APLP2: variants seen among roughly 807,000 people sequenced by gnomAD.
APLP2 encodes the protein CDEI box-binding protein.
Under a neutral mutation model 89.9 loss-of-function variants are expected in APLP2, and 53 were observed. The observed-to-expected ratio is 0.59, with a 90% CI of 0.47 to 0.74. The LOEUF is 0.74. APLP2 is among the 30% of genes least tolerant of loss of function. The pLI is 0.00. For synonymous variants in APLP2, 372 were observed against 348.6 expected, an observed-to-expected ratio of 1.07 and a Z score of -0.75; for missense variants, 973 against 975.9, an observed-to-expected ratio of 1.00 and a Z score of 0.04.
chr11:130,118,230 T>A (rs548257805), intron 3 of APLP2, among the ~76,000 whole-genome samples: 75 of 152,366 alleles, frequency 4.9e-4, no homozygotes, highest in African/African-American at 1.6e-3. Context: ...ATACATTGCT[T>A]TATGAGTATG....
intron 1 of APLP2, among the ~76,000 whole-genome samples, chr11:130,104,109 A>G (rs1591799154): frequency 6.6e-6 from 1 of 150,468 alleles, no homozygotes; most frequent in African/African-American, 2.5e-5. Context: ...GGGTTTCCTT[A>G]CCTTTATCTT....
At chr11:130,089,102 T>C (rs1944524920) in intron 1 of APLP2, among the ~76,000 whole-genome samples, 1 of 152,126 alleles carries the variant, frequency 6.6e-6, no homozygotes, top group African/African-American at 2.4e-5. Context: ...GCCTTGCCAT[T>C]CTCCCAGTTG....
In APLP2 at chr11:130,122,362, T is replaced by C. The variant is rs1565588949; in HGVS notation, c.771T>C (p.Asp257=). The change falls in exon 6 of 17, where the codon GAT becomes GAC. Residue 257 remains aspartate (D), a synonymous_variant. Transcript: ENST00000338167. Reference sequence around the variant, plus strand: ...TCACAGAAGCAGCTGTGGATGAGGATGATGAGGATGAGGAAGAAGGGGAGG... The same window carrying C: ...TCACAGAAGCAGCTGTGGATGAGGACGATGAGGATGAGGAAGAAGGGGAGG... ...EDFTEAAVDE[D]DEDEEEGEEV... 6.2e-7 allele frequency: 1 copy of C among 1,613,976 alleles called. No individual in the cohort carries two copies. The highest frequency in any genetic ancestry group is 8.5e-7 in the Non-Finnish European group (1 of 1,179,962).
chr11:130,139,188 T>A (rs1275978559), intron 13 of APLP2: 1 of 152,178 alleles, frequency 6.6e-6, no homozygotes, highest in Non-Finnish European at 1.5e-5. Flanking sequence ...TTTAGAAAAA[T>A]TGCATCATTT....
rs1030639781 is a variant in APLP2, at chr11:130,137,096, T to A, written c.1837+1381T>A. Among the ~76,000 whole-genome samples, 19 of 152,346 alleles carry A rather than the reference T, an allele frequency of 1.2e-4. No homozygotes were observed. The East Asian group carries it at 3.7e-3, about 29-fold the overall frequency. On this transcript the variant is annotated intron_variant, in intron 13 of 16. Transcript: ENST00000338167. ...TTTGCTGTGGCTCATACTGCTGGTT[T>A]GTTTATGGGATATTTCAGGCAGGGT...
chr11:130,136,446 G>A (rs1475076094), intron 13 of APLP2, among the ~76,000 whole-genome samples: 1 of 152,206 alleles, frequency 6.6e-6, no homozygotes, highest in Non-Finnish European at 1.5e-5. Context: ...GTGTCCCCAT[G>A]TGGGGATTCT....
intron 3 of APLP2, among the ~76,000 whole-genome samples, chr11:130,112,476 A>T (rs57945908): frequency 2.6e-5 from 4 of 151,546 alleles, no homozygotes; most frequent in African/African-American, 9.8e-5. Context: ...CTAAGGTGAC[A>T]GGACACAGTA....
rs2136010758 is a variant in APLP2, at chr11:130,127,747, T to C, written c.1222-19T>C. 6 of 1,612,726 alleles carry C rather than the reference T, an allele frequency of 3.7e-6. No homozygotes were observed. The highest frequency in any genetic ancestry group is 5.1e-6 in the Non-Finnish European group (6 of 1,178,802). ...GGGGTATTAATCACTGCTGACGGCG[T>C]TTTTGACCTTTGTTCTAGGTAAAGA... On this transcript the variant is annotated intron_variant, in intron 8 of 16. Transcript: ENST00000338167.
At chr11:130,079,779 G>A (rs1048117226) in intron 1 of APLP2, among the ~76,000 whole-genome samples, 6 of 152,038 alleles carry the variant, frequency 3.9e-5, no homozygotes, top group African/African-American at 1.5e-4. Flanking sequence ...AGATAGAAAA[G>A]ACAATAGCTA....
chr11:130,103,615 A>G (rs1258125533), intron 1 of APLP2, among the ~76,000 whole-genome samples: 1 of 152,210 alleles, frequency 6.6e-6, no homozygotes, highest in Non-Finnish European at 1.5e-5. Flanking sequence ...GCGGTCTTTT[A>G]GCCAACAACC....
chr11:130,085,774 C>T (rs889810251), intron 1 of APLP2, among the ~76,000 whole-genome samples: 2 of 152,188 alleles, frequency 1.3e-5, no homozygotes, highest in Admixed American at 1.3e-4. Context: ...CCCTGGTGAT[C>T]TATGAATTTG....
intron 1 of APLP2, among the ~76,000 whole-genome samples, chr11:130,105,407 C>T (rs1311784596): frequency 2.0e-5 from 3 of 151,616 alleles, no homozygotes; most frequent in Non-Finnish European, 4.4e-5. Context: ...AGAGCAAGAC[C>T]CTGTCTCAAA....
At chr11:130,112,059 G>A (rs1317215561) in intron 3 of APLP2, among the ~76,000 whole-genome samples, 4 of 151,966 alleles carry the variant, frequency 2.6e-5, no homozygotes, top group East Asian at 1.9e-4. Flanking sequence ...CCCTGTATGC[G>A]GTCAGTTTCT....
chr11:130,109,270 A>T lies in APLP2; in HGVS notation c.106-159A>T, dbSNP rs968843030. 2.5e-5 allele frequency: 14 copies of T among 569,196 alleles called. No homozygotes were observed. In the South Asian group the frequency reaches 5.7e-4, roughly 23 times the overall value. 35.3% of individuals were successfully genotyped at this position (569,196 alleles called of 1,614,324 possible). A position where few individuals can be genotyped will look rare whatever the true frequency, so the allele number is the denominator to read the frequency against. ...CATACACATCCAGAAGTCACTTTTT[A>T]TTCTGTTCTAGCTCCTGGGAAAAGG... is the stretch of plus-strand genomic sequence containing the variant. On this transcript the variant is annotated intron_variant, in intron 1 of 16. Coordinates refer to ENST00000338167, the MANE Select transcript of APLP2 (RefSeq NM_001142276.2).
At chr11:130,107,007 T>C (rs1176699665) in intron 1 of APLP2, among the ~76,000 whole-genome samples, 1 of 152,194 alleles carries the variant, frequency 6.6e-6, no homozygotes, top group Non-Finnish European at 1.5e-5. Context: ...TTTTATGTGC[T>C]TTCTCAACAC....
Position 130,144,765 on chromosome 11 carries a change from T to C in APLP2, c.*1317T>C, listed in dbSNP as rs1365175315. On this transcript the variant is annotated 3_prime_UTR_variant, in exon 17 of 17. Coordinates refer to ENST00000338167, the MANE Select transcript of APLP2 (RefSeq NM_001142276.2). ...ACTCCTTAATATGATCTGTGGAGAA[T>C]GTACACAGTTTAAACACATCAATAA... 1 of 152,542 alleles carries C rather than the reference T, an allele frequency of 6.6e-6. No homozygotes were observed. The highest frequency in any genetic ancestry group is 6.5e-5 in the Admixed American group (1 of 15,270). The allele number at this position is 152,542 out of a possible 1,614,324, so 9.4% of individuals were successfully genotyped here.
rs556507954 is a variant in APLP2 at position 130,129,298 on chromosome 11, G to A, written c.1455+92G>A. 1.9e-4 allele frequency: 268 copies of A among 1,429,534 alleles called. No homozygotes were observed. The African/African-American group carries it at 3.4e-3, about 18-fold the overall frequency. The allele number at this position is 1,429,534 out of a possible 1,614,324, so 88.6% of individuals were successfully genotyped here. ...AGGTCAGTAAAAGTGACATTTGTATGACAAGTTCTGGCAAAGCTGAAGCTA... is the reference window on the plus strand; with the variant it reads ...AGGTCAGTAAAAGTGACATTTGTATAACAAGTTCTGGCAAAGCTGAAGCTA... On this transcript the variant is annotated intron_variant, in intron 10 of 16. Coordinates refer to ENST00000338167, the MANE Select transcript of APLP2 (RefSeq NM_001142276.2).
chr11:130,074,723 AATAG>A (rs1565545034), intron 1 of APLP2, among the ~76,000 whole-genome samples: 1 of 152,224 alleles, frequency 6.6e-6, no homozygotes, highest in Non-Finnish European at 1.5e-5. Flanking sequence ...CCCTTCTGTT[AATAG>A]ATAGGTCATG....
intron 13 of APLP2, among the ~76,000 whole-genome samples, chr11:130,136,682 G>A (rs887808411): frequency 1.6e-4 from 24 of 152,284 alleles, no homozygotes; most frequent in African/African-American, 5.5e-4. Flanking sequence ...CGATCCCAGA[G>A]CAGTTGACTC....
Sources: allele counts gnomAD v4.1 joint callset (sites outside exome capture counted in the v4.1 genomes callset), GRCh38; gene constraint gnomAD v4.1.1; transcripts MANE v1.5; gene names NCBI Gene and HGNC (gene_info 2026-07-23, HGNC 2026-07-21).